SRPX2: variants seen among roughly 807,000 people sequenced by gnomAD.
SRPX2 encodes the protein sushi repeat containing protein X-linked 2.
A neutral mutation model predicts 45.3 loss-of-function variants in SRPX2; 26 were observed. That is an observed-to-expected ratio of 0.57 (90% confidence interval 0.42 to 0.80). The LOEUF (loss-of-function observed/expected upper bound fraction) is 0.80. SRPX2 is among the 30% of genes least tolerant of loss of function. SRPX2 has a pLI of 0.00. For missense variants in SRPX2, 355 were observed against 399.8 expected (o/e 0.89, Z 0.95); for synonymous variants, 125 against 143.7 (o/e 0.87, Z 0.93).
chrX:100,667,297 A>G lies in SRPX2; in HGVS notation c.985A>G (p.Asn329Asp). 8.3e-7 allele frequency: 1 copy of G among 1,211,790 alleles called. No individual in the cohort carries two copies. The highest frequency in any genetic ancestry group is 1.1e-6 in the Non-Finnish European group (1 of 895,542). The change falls in exon 9 of 11, where the codon AAC becomes GAC. Residue 329 changes from asparagine (N) to aspartate (D), a missense_variant. Asn to Asp is a conservative substitution (Grantham distance 23). Coordinates refer to ENST00000373004, the MANE Select transcript of SRPX2 (RefSeq NM_014467.3). ...CAPMKINVNVNSAAGLLDQFY... is the reference protein window; with the variant it reads ...CAPMKINVNVDSAAGLLDQFY... ...AGCTATGAAGATTAACGTCAACGTC[A>G]ACTCAGCTGCTGGTCTCTTGGATCA... is the stretch of plus-strand genomic sequence containing the variant.
Position 100,670,872 on chromosome X carries a change from G to A in SRPX2, c.1283G>A (p.Arg428Gln), listed in dbSNP as rs1479824119. 14 of 1,209,481 alleles carry A rather than the reference G, an allele frequency of 1.2e-5. No homozygotes were observed. The highest frequency in any genetic ancestry group is 2.2e-5 in the Admixed American group (1 of 45,695). The change falls in exon 11 of 11, where the codon CGA becomes CAA. Residue 428 changes from arginine (R) to glutamine (Q), a missense_variant. Arg to Gln is a conservative substitution (Grantham distance 43, BLOSUM62 1). Coordinates refer to ENST00000373004, the MANE Select transcript of SRPX2 (RefSeq NM_014467.3). ...TTGATTGACAAGCAGGGTATTGACC[G>A]AGACCGCTACATGGAACCTGTCACC... ...MVLIDKQGID[R>Q]DRYMEPVTPE...
At chrX:100,656,968 C>T in intron 3 of SRPX2, among the ~76,000 whole-genome samples, 2 of 109,573 alleles carry the variant, frequency 1.8e-5, no homozygotes, top group South Asian at 8.3e-4. Context: ...ATTCTTGTTG[C>T]ACAGGCTGGA....
At chrX:100,670,648 A>G (rs2083221122) in intron 10 of SRPX2, among the ~76,000 whole-genome samples, 159 bp from the exon 11 acceptor site, 1 of 111,571 alleles carries the variant, frequency 9.0e-6, no homozygotes, top group African/African-American at 3.3e-5. Flanking sequence ...ACAGAAAAAC[A>G]AAGCGACTTG....
Position 100,665,625 on chromosome X carries a change from G to A in SRPX2, c.749G>A (p.Arg250Gln), listed in dbSNP as rs777003588. The A allele has an allele frequency of 3.3e-6, 4 of 1,210,148 alleles. No individual in the cohort carries two copies. The highest frequency in any genetic ancestry group is 1.8e-5 in the South Asian group (1 of 56,796). The part of the protein sequence containing the change: ...RYTAYDRAYN[R>Q]ASCKFIVKVQ... ...ACTGCCTATGACCGAGCCTACAACCGGGCCAGCTGCAAGTTCATTGTGAAA... is the reference window on the plus strand; with the variant it reads ...ACTGCCTATGACCGAGCCTACAACCAGGCCAGCTGCAAGTTCATTGTGAAA... The change falls in exon 7 of 11, where the codon CGG becomes CAG. Residue 250 changes from arginine to glutamine, a missense_variant. Arg to Gln is a conservative substitution (Grantham distance 43). Coordinates refer to ENST00000373004, the MANE Select transcript of SRPX2 (RefSeq NM_014467.3).
Position 100,660,400 on chromosome X carries a change from T to C in SRPX2, c.164-1776T>C, listed in dbSNP as rs113256444. 9.2e-3 allele frequency among the ~76,000 whole-genome samples: 1,038 copies of C among 112,428 alleles called. 13 individuals are homozygous for C. Among genetic ancestry groups the C allele is most frequent in the African/African-American group, 0.032 (1,000 of 30,917 alleles). ...TATTTTTGTTATATAAATGGAACTCTACAGTATGTAGTTTTTCAAGTGTGG... is the reference window on the plus strand; with the variant it reads ...TATTTTTGTTATATAAATGGAACTCCACAGTATGTAGTTTTTCAAGTGTGG... On this transcript the variant is annotated intron_variant, in intron 3 of 10. Transcript: ENST00000373004.
At chrX:100,647,082 A>G (rs2083137752) in intron 2 of SRPX2, among the ~76,000 whole-genome samples, 1 of 111,937 alleles carries the variant, frequency 8.9e-6, no homozygotes, top group Non-Finnish European at 1.9e-5. Context: ...CTCAGTGAGA[A>G]GAGGGAAAGG....
At chrX:100,655,992 T>C (rs1258134299) in intron 3 of SRPX2, among the ~76,000 whole-genome samples, 2 of 107,270 alleles carry the variant, frequency 1.9e-5, no homozygotes, top group African/African-American at 6.8e-5. Context: ...GCCTCCCAAG[T>C]AGCTGGGATT....
At chrX:100,662,125 A>G (rs749888057) in intron 3 of SRPX2, 51 bp from the exon 4 acceptor site, 64 of 1,168,288 alleles carry the variant, frequency 5.5e-5, no homozygotes, top group Non-Finnish European at 5.5e-5. Flanking sequence ...CACCAACACC[A>G]CACTGTCTTG....
chrX:100,668,694 C>T (rs1368227740), intron 9 of SRPX2, among the ~76,000 whole-genome samples: 1 of 112,121 alleles, frequency 8.9e-6, no homozygotes, highest in Non-Finnish European at 1.9e-5. Flanking sequence ...GAAAAGAGCA[C>T]TGGGCACAAT....
chrX:100,661,959 T>TC (rs1397937806), intron 3 of SRPX2, among the ~76,000 whole-genome samples: 1 of 100,332 alleles, frequency 1.0e-5, no homozygotes, highest in African/African-American at 3.8e-5. Flanking sequence ...TTTTTTTTTT[T>TC]GCATATGGAA....
In SRPX2 at chrX:100,651,066, T is replaced by TATTATTA. The variant is rs756092263; in HGVS notation, c.163+204_163+210dup. 1.4e-3 allele frequency: 593 copies of TATTATTA among 426,927 alleles called. 4 individuals carry two copies. Among genetic ancestry groups the TATTATTA allele is most frequent in the Non-Finnish European group, 3.3e-4 (82 of 245,308 alleles). The allele number at this position is 426,927 out of a possible 1,213,427, so 35.2% of individuals were successfully genotyped here. On this transcript the variant is annotated intron_variant, in intron 3 of 10. Transcript: ENST00000373004. ...CTCTCCAGCCTGAAGGTTCTCCATG[T>TATTATTA]ATTATTAATCATTAAGTATTGACTA... is the stretch of plus-strand genomic sequence containing the variant.
chrX:100,663,932 C>A (rs1305305074), intron 4 of SRPX2, among the ~76,000 whole-genome samples: 1 of 111,802 alleles, frequency 8.9e-6, no homozygotes, highest in Admixed American at 9.5e-5. Context: ...TGAGCAGTAC[C>A]TATGGGAGCC....
At chrX:100,649,664 G>A (rs1361670034) in intron 2 of SRPX2, 7 of 111,544 alleles carry the variant, frequency 6.3e-5, no homozygotes, top group African/African-American at 1.3e-4. Flanking sequence ...GGGAATGGAG[G>A]AGCTTCATCA....
intron 3 of SRPX2, among the ~76,000 whole-genome samples, chrX:100,651,788 CAAAAAAAAA>C (rs11362148): frequency 1.3e-4 from 8 of 59,561 alleles, no homozygotes; most frequent in African/African-American, 5.2e-4. Context: ...GGCTCTGTCT[CAAAAAAAAA>C]AAAAAAAAAA....
Position 100,662,218 on chromosome X carries a change from C to T in SRPX2, c.206C>T (p.Ala69Val). The change falls in exon 4 of 11, where the codon GCC becomes GTC. Residue 69 changes from alanine to valine, a missense_variant. Coordinates refer to ENST00000373004, the MANE Select transcript of SRPX2 (RefSeq NM_014467.3). Reference protein sequence around the residue: ...CYTLNIQDGEATCYSPKGGNY... With the variant: ...CYTLNIQDGEVTCYSPKGGNY... ...ACATTAAATATCCAGGATGGAGAAG[C>T]CACATGCTACTCACCGAAGGGAGGA... is the stretch of plus-strand genomic sequence containing the variant. 8.3e-7 allele frequency: 1 copy of T among 1,211,570 alleles called. No individual in the cohort carries two copies. The highest frequency in any genetic ancestry group is 1.8e-5 in the South Asian group (1 of 56,978).
intron 2 of SRPX2, among the ~76,000 whole-genome samples, chrX:100,648,034 A>G (rs877358): frequency 0.15 from 16,224 of 111,317 alleles, 971 homozygotes; most frequent in South Asian, 0.32. Flanking sequence ...TTTATTGAGG[A>G]CTCTTTATGC....
intron 7 of SRPX2, among the ~76,000 whole-genome samples, chrX:100,665,973 A>G (rs1444012690): frequency 1.8e-5 from 2 of 112,108 alleles, no homozygotes. Context: ...ATCAGCCATC[A>G]TTCTGTCGTT....
rs142508869 is a variant in SRPX2 at position 100,663,837 on chromosome X, C to T, written c.356-937C>T. 5.7e-3 allele frequency among the ~76,000 whole-genome samples: 636 copies of T among 112,278 alleles called. 3 individuals are homozygous for T. Among genetic ancestry groups the T allele is most frequent in the African/African-American group, 0.02 (608 of 30,889 alleles). On this transcript the variant is annotated intron_variant, in intron 4 of 10. Coordinates refer to ENST00000373004, the MANE Select transcript of SRPX2 (RefSeq NM_014467.3). Reference sequence around the variant, plus strand: ...TGGATTCCTCTTTTACCAAATACCACACCTGGCCCTCCAGGCACTGGTCTG... The same window carrying T: ...TGGATTCCTCTTTTACCAAATACCATACCTGGCCCTCCAGGCACTGGTCTG...
Position 100,674,403 on chromosome X carries a change from A to G in SRPX2, c.*3416A>G, listed in dbSNP as rs1034448254. Reference sequence around the variant, plus strand: ...GGATGGTTAGGGAAGAGCATTTATCACTTTGGTTCTTATCCTTCAAGCCAG... The same window carrying G: ...GGATGGTTAGGGAAGAGCATTTATCGCTTTGGTTCTTATCCTTCAAGCCAG... On this transcript the variant is annotated 3_prime_UTR_variant, in exon 11 of 11. Transcript: ENST00000373004. The G allele has an allele frequency of 5.3e-5, 6 of 112,607 alleles. No individual in the cohort carries two copies. The highest frequency in any genetic ancestry group is 1.1e-4 in the Non-Finnish European group (6 of 53,337). The allele number at this position is 112,607 out of a possible 1,213,427, so 9.3% of individuals were successfully genotyped here.
Sources: allele counts gnomAD v4.1 joint callset (sites outside exome capture counted in the v4.1 genomes callset), GRCh38; gene constraint gnomAD v4.1.1; transcripts MANE v1.5; gene names NCBI Gene and HGNC (gene_info 2026-07-23, HGNC 2026-07-21).